Variants in ZNF366 observed in about 807,000 individuals in gnomAD.
The protein encoded by ZNF366 is dendritic cell-specific transcript protein.
Under a neutral mutation model 47.2 loss-of-function variants are expected in ZNF366, and 20 were observed. That is an observed-to-expected ratio of 0.42 (90% CI 0.30 to 0.62). The LOEUF is 0.62. Among genes scored for constraint, ZNF366 ranks in the 20% least tolerant of loss-of-function variants. The pLI is 0.16. For synonymous variants in ZNF366, 421 were observed against 395.1 expected (o/e 1.07, Z -0.78); for missense variants, 987 against 976.3 (o/e 1.01, Z -0.15).
In ZNF366 at chr5:72,456,569, A is replaced by G. The variant is rs1277244884; in HGVS notation, c.1359T>C (p.Ile453=). The change falls in exon 3 of 5, where the codon ATT becomes ATC. Residue 453 remains isoleucine (I), a synonymous_variant. Coordinates refer to ENST00000318442, the MANE Select transcript of ZNF366 (RefSeq NM_152625.3). ...CCAGCAGGGTGAACTCCCGCCCACA[A>G]ATCCCACACTTATGCTCCTTCACAC... The part of the protein sequence containing the change: ...HKGVKEHKCG[I]CGREFTLLAN... 1 of 1,611,714 alleles carries G rather than the reference A, an allele frequency of 6.2e-7. No homozygotes were observed.
Position 72,460,660 on chromosome 5 carries a change from C to T in ZNF366, c.837G>A (p.Lys279=). 1 of 1,614,224 alleles carries T rather than the reference C, an allele frequency of 6.2e-7. No individual in the cohort carries two copies. Among genetic ancestry groups the T allele is most frequent in the Non-Finnish European group, 8.5e-7 (1 of 1,180,040 alleles). ...VTHILGHSGI[K]PHACTHCGKL... ...TCCCGCAGTGCGTGCACGCGTGCGG[C>T]TTGATCCCACTGTGGCCCAGGATGT... Residue 279 remains lysine, a synonymous_variant, in exon 2 of 5, where the codon AAG becomes AAA. Coordinates refer to ENST00000318442, the MANE Select transcript of ZNF366 (RefSeq NM_152625.3).
chr5:72,506,254 A>G (rs1464673173), intron 1 of ZNF366, among the ~76,000 whole-genome samples: 1 of 152,232 alleles, frequency 6.6e-6, no homozygotes, highest in East Asian at 1.9e-4. Context: ...AAGTATTAAT[A>G]TTGGGAAACA....
Position 72,460,234 on chromosome 5 carries a change from G to A in ZNF366, c.1263C>T (p.Tyr421=). ...ACTCCATGCCACACTCTGAGCAGAT[G>A]TAGGGCCGGATGTCCTTGTGCTTCA... ...HMMKHKDIRP[Y]ICSECGMEFV... Residue 421 remains tyrosine (Y), a synonymous_variant, in exon 2 of 5, where the codon TAC becomes TAT. Coordinates refer to ENST00000318442, the MANE Select transcript of ZNF366 (RefSeq NM_152625.3). The A allele has an allele frequency of 1.2e-6, 2 of 1,614,270 alleles. No individual in the cohort carries two copies. The highest frequency in any genetic ancestry group is 2.2e-5 in the East Asian group (1 of 44,888).
intron 3 of ZNF366, among the ~76,000 whole-genome samples, chr5:72,454,459 T>C (rs1360516592): frequency 6.6e-6 from 1 of 152,200 alleles, no homozygotes; most frequent in Non-Finnish European, 1.5e-5. Flanking sequence ...ACACACAACC[T>C]ACACTGGCTT....
chr5:72,450,905 A>G (rs9293306), intron 3 of ZNF366, among the ~76,000 whole-genome samples: 130,415 of 152,190 alleles, frequency 0.86, 56,602 homozygotes, highest in East Asian at 0.96. Flanking sequence ...AGTGAATCAC[A>G]GTGCTCTTGG....
intron 1 of ZNF366, among the ~76,000 whole-genome samples, chr5:72,491,182 A>G (rs1320479206): frequency 6.6e-6 from 1 of 152,264 alleles, no homozygotes; most frequent in Non-Finnish European, 1.5e-5. Flanking sequence ...GTACAAGTTA[A>G]TAGATGTAGA....
chr5:72,444,808 A>G (rs1742928626), intron 4 of ZNF366, among the ~76,000 whole-genome samples: 1 of 152,262 alleles, frequency 6.6e-6, no homozygotes, highest in Non-Finnish European at 1.5e-5. Flanking sequence ...GTATTTATTT[A>G]TAGTGCAGAC....
chr5:72,472,379 T>C (rs1418444340), intron 1 of ZNF366, among the ~76,000 whole-genome samples: 3 of 152,216 alleles, frequency 2.0e-5, no homozygotes, highest in Non-Finnish European at 4.4e-5. Context: ...TATTTAATCA[T>C]TAAAATGTCA....
At chr5:72,499,352 C>T (rs1375700458) in intron 1 of ZNF366, among the ~76,000 whole-genome samples, 1 of 152,148 alleles carries the variant, frequency 6.6e-6, no homozygotes, top group South Asian at 2.1e-4. Context: ...AATAGTCCCT[C>T]CTTGCCCAGA....
chr5:72,472,312 TC>T (rs1303395099), intron 1 of ZNF366, among the ~76,000 whole-genome samples: 1 of 152,246 alleles, frequency 6.6e-6, no homozygotes, highest in East Asian at 1.9e-4. Flanking sequence ...GAACTACATT[TC>T]CTTGACTAAC....
rs950388412 is a variant in ZNF366 at position 72,444,154 on chromosome 5, C to A, written c.1837G>T (p.Gly613Cys). 7.4e-6 allele frequency: 12 copies of A among 1,613,550 alleles called. No individual in the cohort carries two copies. Among genetic ancestry groups the A allele is most frequent in the Non-Finnish European group, 1.0e-5 (12 of 1,180,030 alleles). Reference sequence around the variant, plus strand: ...TCTTCCTCCTCGTGGCAGTGGCTGCCCTGGGCACTCTCCCCGTCTGACTGG... The same window carrying A: ...TCTTCCTCCTCGTGGCAGTGGCTGCACTGGGCACTCTCCCCGTCTGACTGG... Reference protein sequence around the residue: ...VFQSDGESAQGSHCHEEEEED... With the variant: ...VFQSDGESAQCSHCHEEEEED... The change falls in exon 5 of 5, where the codon GGC becomes TGC. Residue 613 changes from glycine (G) to cysteine (C), a missense_variant. This residue lies in a region of ZNF366 where 285 missense variants were observed against 234.8 expected (regional missense o/e 1.21). Transcript: ENST00000318442.
intron 3 of ZNF366, among the ~76,000 whole-genome samples, chr5:72,455,812 C>T (rs1223256983): frequency 5.3e-5 from 8 of 152,300 alleles, no homozygotes; most frequent in South Asian, 2.1e-4. Context: ...TGACTGTGCT[C>T]GCAGTTATTC....
chr5:72,447,550 T>G lies in ZNF366; in HGVS notation c.1525-133A>C, dbSNP rs1017608739. The G allele has an allele frequency of 2.8e-6, 3 of 1,086,872 alleles. No individual in the cohort carries two copies. In the African/African-American group the frequency reaches 4.7e-5, roughly 17 times the overall value. 67.3% of individuals were successfully genotyped at this position (1,086,872 alleles called of 1,614,324 possible). A position where few individuals can be genotyped will look rare whatever the true frequency, so the allele number is the denominator to read the frequency against. On this transcript the variant is annotated intron_variant, in intron 3 of 4. Coordinates refer to ENST00000318442, the MANE Select transcript of ZNF366 (RefSeq NM_152625.3). ...AATCTGCTTGCAAGGAAAATGTCCA[T>G]AAGGAAATCAGGAAGGAGCCTCAGA...
intron 2 of ZNF366, among the ~76,000 whole-genome samples, chr5:72,456,930 T>C (rs540291383): frequency 6.6e-6 from 1 of 152,238 alleles, no homozygotes; most frequent in Admixed American, 6.5e-5. Flanking sequence ...CACTATGGGC[T>C]GATATGCAAT....
rs1209754246 is a variant in ZNF366, at chr5:72,460,267, G to T, written c.1230C>A (p.Asn410Lys). 6.2e-7 allele frequency: 1 copy of T among 1,614,202 alleles called. No individual in the cohort carries two copies. The highest frequency in any genetic ancestry group is 1.7e-5 in the Admixed American group (1 of 60,030). ...GGATGTCCTTGTGCTTCATCATGTG[G>T]TTCTGCAGCTGGCTCGGGTACTGGA... ...KTFQYPSQLQ[N>K]HMMKHKDIRP... Residue 410 changes from asparagine (N) to lysine (K), a missense_variant, in exon 2 of 5, where the codon AAC (asparagine) becomes AAA (lysine). This residue lies in a region of ZNF366 where 591 missense variants were observed against 560.9 expected (regional missense o/e 1.05). Transcript: ENST00000318442.
intron 3 of ZNF366, among the ~76,000 whole-genome samples, chr5:72,448,790 C>T (rs546660818): frequency 6.6e-6 from 1 of 152,232 alleles, no homozygotes; most frequent in Admixed American, 6.5e-5. Context: ...GTGTTGAGCT[C>T]GTCTTGAAAG....
At chr5:72,475,896 T>A (rs990412735) in intron 1 of ZNF366, among the ~76,000 whole-genome samples, 10 of 152,100 alleles carry the variant, frequency 6.6e-5, no homozygotes, top group Non-Finnish European at 1.0e-4. Context: ...CATGCCGTCA[T>A]GAACAAGGAG....
chr5:72,447,928 G>A (rs4703541), intron 3 of ZNF366, among the ~76,000 whole-genome samples: 130,363 of 152,118 alleles, frequency 0.86, 56,034 homozygotes, highest in East Asian at 0.96. Context: ...GCATACAAGT[G>A]GTGGGTGCTG....
At position 72,443,834 on chromosome 5, in the gene ZNF366, G is replaced by C. The variant is rs1389799294; in HGVS notation, c.2157C>G (p.Tyr719Ter). ...RRGPSFSDYLYFKHRDESLKE... is the reference protein window; with the variant it reads ...RRGPSFSDYL Reference sequence around the variant, plus strand: ...TCAAACTCTCATCTCTGTGCTTGAAGTATAAGTAATCAGAAAAAGAGGGGC... The same window carrying C: ...TCAAACTCTCATCTCTGTGCTTGAACTATAAGTAATCAGAAAAAGAGGGGC... The change falls in exon 5 of 5, where the codon TAC becomes TAG. Residue 719 changes from tyrosine to a stop codon, truncating the protein, a stop_gained. Transcript: ENST00000318442. LOFTEE classifies it high-confidence loss of function. 1 of 1,614,180 alleles carries C rather than the reference G, an allele frequency of 6.2e-7. No individual in the cohort carries two copies. Among genetic ancestry groups the C allele is most frequent in the Non-Finnish European group, 8.5e-7 (1 of 1,180,042 alleles).
Sources: allele counts gnomAD v4.1 joint callset (sites outside exome capture counted in the v4.1 genomes callset), GRCh38; gene constraint gnomAD v4.1.1; regional missense constraint gnomAD v4.1.1; transcripts MANE v1.5; gene names NCBI Gene and HGNC (gene_info 2026-07-23, HGNC 2026-07-21).